Variants in MDFIC2 observed in about 807,000 individuals in gnomAD.
MDFIC2 encodes the protein myoD family inhibitor domain-containing protein 2.
At chr3:70,266,404 A>G (rs1286067532) in intron 2 of MDFIC2, among the ~76,000 whole-genome samples, 2 of 151,662 alleles carry the variant, frequency 1.3e-5, no homozygotes, top group Non-Finnish European at 2.9e-5. Context: ...ATAGAGATAT[A>G]TATTTTTAAA....
chr3:70,308,138 A>G (rs1702420319), intron 2 of MDFIC2, among the ~76,000 whole-genome samples: 1 of 151,954 alleles, frequency 6.6e-6, no homozygotes, highest in South Asian at 2.1e-4. Context: ...TGCAGCCTCA[A>G]CCTCCCAGGC....
intron 2 of MDFIC2, among the ~76,000 whole-genome samples, chr3:70,305,533 T>G (rs545427666): frequency 1.3e-5 from 2 of 152,216 alleles, no homozygotes; most frequent in Admixed American, 6.5e-5. Context: ...TTAGTTATTA[T>G]AATAAAGCAC....
chr3:70,205,061 A>G (rs1444801519), intron 3 of MDFIC2: 1 of 152,130 alleles, frequency 6.6e-6, no homozygotes, highest in Non-Finnish European at 1.5e-5. Flanking sequence ...TCATAATCTG[A>G]TAGCTACAGG....
chr3:70,204,586 A>G (rs576907234), intron 3 of MDFIC2: 1 of 152,234 alleles, frequency 6.6e-6, no homozygotes, highest in South Asian at 2.1e-4. Flanking sequence ...ATTTCTTGGA[A>G]ATGACCTAAT....
At chr3:70,301,264 C>G (rs1329604544) in intron 2 of MDFIC2, among the ~76,000 whole-genome samples, 1 of 152,014 alleles carries the variant, frequency 6.6e-6, no homozygotes, top group African/African-American at 2.4e-5. Flanking sequence ...AACAAAAACA[C>G]TTTTTAAATT....
chr3:70,230,966 T>G (rs1312793352), intron 2 of MDFIC2, among the ~76,000 whole-genome samples: 11 of 152,198 alleles, frequency 7.2e-5, no homozygotes, highest in Admixed American at 7.2e-4. Context: ...CATTTCGCAG[T>G]GATTCCCTGC....
intron 2 of MDFIC2, among the ~76,000 whole-genome samples, chr3:70,250,829 T>C (rs143758237): frequency 1.3e-5 from 2 of 152,272 alleles, no homozygotes; most frequent in African/African-American, 4.8e-5. Context: ...CACAGTTCTT[T>C]TCAGGGAAAG....
At chr3:70,222,578 A>G (rs1286204092) in intron 2 of MDFIC2, among the ~76,000 whole-genome samples, 1 of 152,176 alleles carries the variant, frequency 6.6e-6, no homozygotes, top group Admixed American at 6.5e-5. Context: ...AAGAGACTCA[A>G]AAGGGTTGAA....
At chr3:70,287,944 T>C (rs1199496321) in intron 2 of MDFIC2, among the ~76,000 whole-genome samples, 1 of 152,190 alleles carries the variant, frequency 6.6e-6, no homozygotes, top group Non-Finnish European at 1.5e-5. Context: ...TTGATTCTTC[T>C]CTCTTTTTTT....
At chr3:70,294,989 C>T (rs1522343) in intron 2 of MDFIC2, among the ~76,000 whole-genome samples, 31,305 of 152,112 alleles carry the variant, frequency 0.21, 3,398 homozygotes, top group South Asian at 0.28. Flanking sequence ...TTACTAGAAG[C>T]CCCTAGCAGA....
intron 2 of MDFIC2, among the ~76,000 whole-genome samples, chr3:70,257,988 A>G (rs868001624): frequency 1.3e-5 from 2 of 152,242 alleles, no homozygotes; most frequent in Non-Finnish European, 2.9e-5. Context: ...ACTATGGTCA[A>G]TTGATTTTTG....
chr3:70,254,524 T>C (rs78774212), intron 2 of MDFIC2, among the ~76,000 whole-genome samples: 6,456 of 152,232 alleles, frequency 0.042, 270 homozygotes, highest in East Asian at 0.15. Context: ...AGTTTTCACT[T>C]AGAGAGCTTT....
At chr3:70,300,619 A>G (rs1702337836) in intron 2 of MDFIC2, among the ~76,000 whole-genome samples, 1 of 152,068 alleles carries the variant, frequency 6.6e-6, no homozygotes, top group Non-Finnish European at 1.5e-5. Flanking sequence ...TTCATCTCTA[A>G]AATAAAAAGA....
chr3:70,202,171 T>A (rs1701246363), intron 3 of MDFIC2, among the ~76,000 whole-genome samples: 1 of 152,092 alleles, frequency 6.6e-6, no homozygotes, highest in Admixed American at 6.6e-5. Context: ...TATCTGGTAA[T>A]GGTTAGTGAC....
chr3:70,206,512 C>T, intron 3 of MDFIC2, 57 bp downstream of exon 3: 1 of 396,568 alleles, frequency 2.5e-6, no homozygotes, highest in Non-Finnish European at 4.4e-6. Context: ...GATGATTTTA[C>T]AGGGGATGGG....
intron 2 of MDFIC2, among the ~76,000 whole-genome samples, chr3:70,236,914 T>TA (rs1338646881): frequency 6.6e-6 from 1 of 152,180 alleles, no homozygotes; most frequent in Non-Finnish European, 1.5e-5. Context: ...TTTATTTATG[T>TA]AAAAAATATT....
intron 2 of MDFIC2, among the ~76,000 whole-genome samples, chr3:70,232,557 G>A (rs1468334815): frequency 6.6e-6 from 1 of 151,836 alleles, no homozygotes; most frequent in African/African-American, 2.4e-5. Flanking sequence ...CCGCCACCAC[G>A]CCTGGCTATT....
intron 2 of MDFIC2, among the ~76,000 whole-genome samples, chr3:70,287,312 T>G (rs1288617786): frequency 6.9e-6 from 1 of 145,638 alleles, no homozygotes; most frequent in South Asian, 2.3e-4. Context: ...TCTATTGAGA[T>G]AATCATGTGG....
intron 2 of MDFIC2, among the ~76,000 whole-genome samples, chr3:70,245,764 T>G (rs1701702329): frequency 6.9e-6 from 1 of 144,586 alleles, no homozygotes; most frequent in Admixed American, 7.0e-5. Flanking sequence ...ATTGCTATTC[T>G]TCAAAAGGAC....
Sources: gnomAD v4.1 joint callset for allele counts (sites outside exome capture counted in the v4.1 genomes callset) on GRCh38, gnomAD v4.1.1 for gene constraint, MANE v1.5 for transcripts, NCBI Gene and HGNC (gene_info 2026-07-23, HGNC 2026-07-21) for gene names.